ZNF831: variants seen among roughly 807,000 people sequenced by gnomAD.
ZNF831 encodes chromosome 20 open reading frame 174.
ZNF831 carries 59 observed loss-of-function variants against 95.8 expected under a neutral mutation model. The observed-to-expected ratio is 0.62, with a 90% CI of 0.50 to 0.77. The LOEUF (loss-of-function observed/expected upper bound fraction) is 0.77, where lower values mean the gene tolerates loss of function less well. Ranked by LOEUF, ZNF831 falls within the 30% of genes least tolerant of loss-of-function variation. ZNF831 has a pLI of 0.00. For synonymous variants in ZNF831, 961 were observed against 925.5 expected (o/e 1.04, Z -0.70); for missense variants, 2,205 against 2,164.0 (o/e 1.02, Z -0.38).
At chr20:59,205,081 C>A (rs1451864880) in intron 3 of ZNF831, among the ~76,000 whole-genome samples, 1 of 152,120 alleles carries the variant, frequency 6.6e-6, no homozygotes, top group Non-Finnish European at 1.5e-5. Flanking sequence ...GAAAGACCCC[C>A]GCTTGCTAAT....
Position 59,191,214 on chromosome 20 carries a change from G to A in ZNF831, c.195G>A (p.Thr65=), listed in dbSNP as rs758231474. ...LKALPIPLYH[T]VPPGGLQPRA... ...CCCTGCCCATCCCACTGTACCACACGGTGCCTCCCGGGGGCCTCCAGCCCC... is the reference window on the plus strand; with the variant it reads ...CCCTGCCCATCCCACTGTACCACACAGTGCCTCCCGGGGGCCTCCAGCCCC... The change falls in exon 2 of 6, where the codon ACG becomes ACA. Residue 65 remains threonine (T), a synonymous_variant. Transcript: ENST00000371030. 1.9e-6 allele frequency: 3 copies of A among 1,563,314 alleles called. No homozygotes were observed. The highest frequency in any genetic ancestry group is 2.3e-5 in the East Asian group (1 of 44,328).
chr20:59,252,318 C>T (rs1987930824), intron 4 of ZNF831, among the ~76,000 whole-genome samples: 1 of 151,648 alleles, frequency 6.6e-6, no homozygotes, highest in South Asian at 2.1e-4. Context: ...AGATATTTCT[C>T]TGATCTCATA....
intron 1 of ZNF831, among the ~76,000 whole-genome samples, chr20:59,168,364 A>G (rs1230815150): frequency 6.6e-6 from 1 of 151,576 alleles, no homozygotes; most frequent in African/African-American, 2.4e-5. Flanking sequence ...GTTTTCAACC[A>G]TTCATAGCTA....
chr20:59,243,924 C>T (rs1258206253), intron 4 of ZNF831, among the ~76,000 whole-genome samples: 4 of 151,930 alleles, frequency 2.6e-5, no homozygotes, highest in Non-Finnish European at 5.9e-5. Context: ...CTGAAGAATG[C>T]AAATAATATT....
intron 1 of ZNF831, among the ~76,000 whole-genome samples, chr20:59,143,264 T>A (rs1979738135): frequency 6.6e-6 from 1 of 152,218 alleles, no homozygotes. Flanking sequence ...TACACAACCA[T>A]TGCTTGTTCT....
rs2146562451 is a variant in ZNF831 at position 59,192,258 on chromosome 20, C to A, written c.1239C>A (p.Ser413=). Residue 413 remains serine (S), a synonymous_variant, in exon 2 of 6, where the codon TCC becomes TCA. Coordinates refer to ENST00000371030, the MANE Select transcript of ZNF831 (RefSeq NM_178457.3). This position sits in a 1 kb window ranked among gnomAD's most constrained non-coding sequence, Gnocchi z 5.2. The part of the protein sequence containing the change: ...RLEERIAQLI[S]HNQAVVDDAQ... Reference sequence around the variant, plus strand: ...AGGAGCGCATCGCCCAGCTCATCTCCCACAACCAGGCGGTGGTGGACGATG... The same window carrying A: ...AGGAGCGCATCGCCCAGCTCATCTCACACAACCAGGCGGTGGTGGACGATG... 1 of 1,593,800 alleles carries A rather than the reference C, an allele frequency of 6.3e-7. No homozygotes were observed. The highest frequency in any genetic ancestry group is 8.5e-7 in the Non-Finnish European group (1 of 1,170,804).
intron 2 of ZNF831, among the ~76,000 whole-genome samples, chr20:59,157,559 C>G (rs768832828): frequency 2.0e-5 from 3 of 152,028 alleles, no homozygotes; most frequent in African/African-American, 7.3e-5. Flanking sequence ...CATAGGCCAC[C>G]AAAAGGAAGA....
rs777684897 is a variant in ZNF831, at chr20:59,191,987, CGGA to C, written c.970_972del (p.Glu324del). On this transcript the variant is annotated inframe_deletion, in exon 2 of 6. Coordinates refer to ENST00000371030, the MANE Select transcript of ZNF831 (RefSeq NM_178457.3). ...CTGCAGCGGCAGCAGGCGACGGCAG[CGGA>C]GAAGCCCTGGGATGCCAAGGCCCCC... 8.1e-6 allele frequency: 13 copies of C among 1,607,112 alleles called. No homozygotes were observed. Among genetic ancestry groups the C allele is most frequent in the Non-Finnish European group, 1.1e-5 (13 of 1,177,786 alleles).
chr20:59,139,453 T>C (rs1979608354), intron 1 of ZNF831, among the ~76,000 whole-genome samples: 1 of 152,194 alleles, frequency 6.6e-6, no homozygotes, highest in South Asian at 2.1e-4. Context: ...ATTGCTTTTC[T>C]GAAATCAGGA....
Position 59,206,912 on chromosome 20 carries a change from G to C in ZNF831, c.3883G>C (p.Gly1295Arg), listed in dbSNP as rs762506828. The C allele has an allele frequency of 6.2e-7, 1 of 1,613,918 alleles. No homozygotes were observed. Among genetic ancestry groups the C allele is most frequent in the South Asian group, 1.1e-5 (1 of 91,052 alleles). Residue 1295 changes from glycine (G) to arginine (R), a missense_variant, in exon 4 of 6, where the codon GGG becomes CGG. Coordinates refer to ENST00000371030, the MANE Select transcript of ZNF831 (RefSeq NM_178457.3). ...TGCTTCTCTCTTCTACAGGTACAAA[G>C]GGAATTTCTTGCAGAGCTGTGTTCA... ...KLKINPKRYK[G>R]NFLQSCVQLR...
chr20:59,149,306 G>T (rs1980083915), intron 2 of ZNF831, among the ~76,000 whole-genome samples: 1 of 152,166 alleles, frequency 6.6e-6, no homozygotes, highest in Non-Finnish European at 1.5e-5. Context: ...TAATCCTTGG[G>T]CCCAGTCTCA....
intron 1 of ZNF831, among the ~76,000 whole-genome samples, chr20:59,132,093 C>T (rs1367893741): frequency 6.6e-6 from 1 of 152,194 alleles, no homozygotes. Context: ...TGAGAAATTT[C>T]ACACAAGTGG....
chr20:59,195,819 C>T lies in ZNF831; in HGVS notation c.3739-50C>T, dbSNP rs748356319. On this transcript the variant is annotated intron_variant, in intron 2 of 5. Transcript: ENST00000371030. ...AGCGAGAACCCTTTGGAGTTTTCTT[C>T]ATCATGAGGACTTTGAGTAATGTGA... 11 of 1,575,392 alleles carry T rather than the reference C, an allele frequency of 7.0e-6. No homozygotes were observed. In the South Asian group the frequency reaches 1.1e-4, roughly 15 times the overall value.
intron 4 of ZNF831, among the ~76,000 whole-genome samples, chr20:59,236,269 T>G (rs1193203904): frequency 2.6e-5 from 4 of 152,016 alleles, no homozygotes; most frequent in African/African-American, 9.7e-5. Flanking sequence ...AGCCAACGAG[T>G]CTCTTGGGCC....
chr20:59,148,635 G>A (rs1347329157), intron 2 of ZNF831, among the ~76,000 whole-genome samples: 3 of 96,966 alleles, frequency 3.1e-5, no homozygotes, highest in African/African-American at 4.2e-5. Context: ...AGTCGAGATC[G>A]CGCCACTGCA....
intron 4 of ZNF831, among the ~76,000 whole-genome samples, chr20:59,241,006 G>A (rs1987302474): frequency 6.6e-6 from 1 of 151,950 alleles, no homozygotes; most frequent in African/African-American, 2.4e-5. Flanking sequence ...AGATGCTACT[G>A]TGCGTCTAGG....
At chr20:59,180,008 G>A (rs1227447614) in intron 1 of ZNF831, among the ~76,000 whole-genome samples, 2 of 152,140 alleles carry the variant, frequency 1.3e-5, no homozygotes, top group Non-Finnish European at 2.9e-5. Context: ...TCCTTGGAGC[G>A]TGAAATATTA....
Position 59,193,381 on chromosome 20 carries a change from G to C in ZNF831, c.2362G>C (p.Gly788Arg), listed in dbSNP as rs1983784329. ...PVWPDPKLEG[G>R]ARGVGDVQET... ...TTGGCCGGACCCCAAGCTGGAAGGA[G>C]GTGCCCGAGGTGTGGGGGATGTTCA... Residue 788 changes from glycine (G) to arginine (R), a missense_variant, in exon 2 of 6, where the codon GGT becomes CGT. By Grantham distance (125) the Gly-to-Arg change is moderately radical. Coordinates refer to ENST00000371030, the MANE Select transcript of ZNF831 (RefSeq NM_178457.3). 1 of 1,605,256 alleles carries C rather than the reference G, an allele frequency of 6.2e-7. No homozygotes were observed. The highest frequency in any genetic ancestry group is 1.1e-5 in the South Asian group (1 of 89,536).
chr20:59,140,651 G>A (rs1451876498), intron 1 of ZNF831, among the ~76,000 whole-genome samples: 8 of 152,158 alleles, frequency 5.3e-5, no homozygotes, highest in Admixed American at 2.0e-4. Context: ...TTTTCAGAGT[G>A]ACTGTCCCAT....
Sources: gnomAD v4.1 joint callset for allele counts (sites outside exome capture counted in the v4.1 genomes callset) on GRCh38, gnomAD v4.1.1 for gene constraint, Gnocchi (gnomAD v3.1) non-coding constraint, MANE v1.5 for transcripts, NCBI Gene and HGNC (gene_info 2026-07-23, HGNC 2026-07-21) for gene names.